FA2H: variants seen among roughly 807,000 people sequenced by gnomAD.
The protein encoded by FA2H is fatty acid 2-hydroxylase.
A neutral mutation model predicts 44.9 loss-of-function variants in FA2H; 22 were observed. The observed-to-expected ratio is 0.49, with a 90% CI of 0.35 to 0.70. The LOEUF is 0.70. Among genes scored for constraint, FA2H ranks in the 30% least tolerant of loss-of-function variants. The pLI is 0.01. For missense variants in FA2H, 501 were observed against 504.9 expected, an observed-to-expected ratio of 0.99 and a Z score of 0.07; for synonymous variants, 243 against 213.2, an observed-to-expected ratio of 1.14 and a Z score of -1.22.
chr16:74,719,559 G>C lies in FA2H; in HGVS notation c.614-399C>G, dbSNP rs1173076740. Among the ~76,000 whole-genome samples, 7 of 152,074 alleles carry C rather than the reference G, an allele frequency of 4.6e-5. No homozygotes were observed. In the South Asian group the frequency reaches 8.3e-4, roughly 18 times the overall value. On this transcript the variant is annotated intron_variant, in intron 4 of 6. Transcript: ENST00000219368. The stretch of plus-strand genomic sequence containing the variant: ...GACAAGGTATCTCTGTGTCGCCCAG[G>C]TTGGAAGACTGGAGTGCTGGAGTGC...
In FA2H at chr16:74,713,635, G is replaced by T. The variant is rs1961624643; in HGVS notation, c.*555C>A. On this transcript the variant is annotated 3_prime_UTR_variant, in exon 7 of 7. Coordinates refer to ENST00000219368, the MANE Select transcript of FA2H (RefSeq NM_024306.5). ...GGCAGCTGGCAGGGCCAGAGGGGCTGCCCCAGGGTCTGGGGTGGACTGTGG... is the reference window on the plus strand; with the variant it reads ...GGCAGCTGGCAGGGCCAGAGGGGCTTCCCCAGGGTCTGGGGTGGACTGTGG... 1 of 153,022 alleles carries T rather than the reference G, an allele frequency of 6.5e-6. No homozygotes were observed. The highest frequency in any genetic ancestry group is 2.1e-4 in the South Asian group (1 of 4,864). The allele number at this position is 153,022 out of a possible 1,614,324, so 9.5% of individuals were successfully genotyped here.
At chr16:74,755,693 C>T (rs1227115204) in intron 1 of FA2H, among the ~76,000 whole-genome samples, 1 of 152,168 alleles carries the variant, frequency 6.6e-6, no homozygotes, top group Non-Finnish European at 1.5e-5. Context: ...GCACCTGCAT[C>T]CCCTCTAACC....
intron 1 of FA2H, among the ~76,000 whole-genome samples, 171 bp downstream of exon 1, chr16:74,774,315 G>A (rs1962966388): frequency 6.6e-6 from 1 of 152,066 alleles, no homozygotes; most frequent in South Asian, 2.1e-4. Context: ...AGGAGGGGTT[G>A]GAGGGGACGA....
intron 6 of FA2H, among the ~76,000 whole-genome samples, chr16:74,715,637 C>T (rs1201920446): frequency 6.6e-6 from 1 of 152,068 alleles, no homozygotes; most frequent in Non-Finnish European, 1.5e-5. Flanking sequence ...TAATAATTTG[C>T]TTATGTTAAG....
At chr16:74,769,000 T>C (rs1962857004) in intron 1 of FA2H, among the ~76,000 whole-genome samples, 1 of 151,962 alleles carries the variant, frequency 6.6e-6, no homozygotes, top group Admixed American at 6.6e-5. Flanking sequence ...CTCTCCAGGA[T>C]TGGTGGGGCA....
intron 1 of FA2H, among the ~76,000 whole-genome samples, chr16:74,768,274 T>C (rs1438016712): frequency 6.6e-6 from 1 of 152,200 alleles, no homozygotes; most frequent in Non-Finnish European, 1.5e-5. Context: ...ATTCTGGGTC[T>C]CAAAGCCTCT....
intron 1 of FA2H, among the ~76,000 whole-genome samples, chr16:74,744,696 C>A (rs1962382437): frequency 6.6e-6 from 1 of 152,144 alleles, no homozygotes; most frequent in South Asian, 2.1e-4. Flanking sequence ...AAGTGATCCT[C>A]CCACCTCAGC....
intron 1 of FA2H, among the ~76,000 whole-genome samples, chr16:74,772,577 A>G (rs1219258197): frequency 2.6e-5 from 4 of 152,206 alleles, no homozygotes; most frequent in Admixed American, 1.3e-4. Context: ...GGATGACCCA[A>G]TGAAAAGCCA....
At chr16:74,765,194 T>A (rs1476491979) in intron 1 of FA2H, among the ~76,000 whole-genome samples, 1 of 151,536 alleles carries the variant, frequency 6.6e-6, no homozygotes, top group African/African-American at 2.4e-5. Context: ...CTCGCTCTTG[T>A]CCCCCAGGCT....
At chr16:74,749,561 A>T (rs928448578) in intron 1 of FA2H, among the ~76,000 whole-genome samples, 4 of 152,200 alleles carry the variant, frequency 2.6e-5, no homozygotes, top group Admixed American at 6.5e-5. Context: ...TTCACCACGG[A>T]CCCAGCATTG....
Position 74,716,456 on chromosome 16 carries a change from G to C in FA2H, c.930C>G (p.Leu310=). 6.2e-7 allele frequency: 1 copy of C among 1,613,998 alleles called. No homozygotes were observed. The highest frequency in any genetic ancestry group is 8.5e-7 in the Non-Finnish European group (1 of 1,180,006). ...VFAGGLLGYV[L]YDMTHYYLHF... The stretch of plus-strand genomic sequence containing the variant: ...GCAGGTAGTAATGGGTCATGTCATA[G>C]AGGACGTAGCCCAGGAGGCCCCCCG... Residue 310 remains leucine (L), a synonymous_variant, in exon 6 of 7, where the codon CTC becomes CTG. Coordinates refer to ENST00000219368, the MANE Select transcript of FA2H (RefSeq NM_024306.5).
rs762390982 is a variant in FA2H, at chr16:74,714,077, C to A, written c.*113G>T. 1.3e-5 allele frequency: 9 copies of A among 711,152 alleles called. No individual in the cohort carries two copies. Among genetic ancestry groups the A allele is most frequent in the Non-Finnish European group, 2.0e-5 (8 of 403,770 alleles). 44.1% of individuals were successfully genotyped at this position (711,152 alleles called of 1,614,324 possible). A position where few individuals can be genotyped will look rare whatever the true frequency, so the allele number is the denominator to read the frequency against. On this transcript the variant is annotated 3_prime_UTR_variant, in exon 7 of 7. Coordinates refer to ENST00000219368, the MANE Select transcript of FA2H (RefSeq NM_024306.5). ...CCTTCCACTAGGCTGCAGGGCCGGA[C>A]ACAGCCCATCCTGCCTGGCCAAGCC... is the stretch of plus-strand genomic sequence containing the variant.
intron 2 of FA2H, among the ~76,000 whole-genome samples, chr16:74,736,071 T>C (rs1962173985): frequency 6.6e-6 from 1 of 152,222 alleles, no homozygotes; most frequent in Non-Finnish European, 1.5e-5. Context: ...CCCTGTCCAC[T>C]GCCCTCCCAG....
chr16:74,745,673 C>G (rs764178355), intron 1 of FA2H, among the ~76,000 whole-genome samples: 1 of 152,186 alleles, frequency 6.6e-6, no homozygotes, highest in Non-Finnish European at 1.5e-5. Context: ...AGGAGAGAAG[C>G]CTTTGAGACA....
intron 1 of FA2H, among the ~76,000 whole-genome samples, chr16:74,762,675 G>A (rs1962735016): frequency 6.6e-6 from 1 of 152,088 alleles, no homozygotes; most frequent in South Asian, 2.1e-4. Context: ...GACTACAGGT[G>A]CATGCCATCA....
At chr16:74,722,711 G>A (rs1961865934) in intron 4 of FA2H, among the ~76,000 whole-genome samples, 1 of 151,982 alleles carries the variant, frequency 6.6e-6, no homozygotes, top group South Asian at 2.1e-4. Context: ...TCAGGAGTTC[G>A]AGACCAGCCT....
chr16:74,714,978 A>G (rs2144599817), intron 6 of FA2H, among the ~76,000 whole-genome samples: 1 of 151,902 alleles, frequency 6.6e-6, no homozygotes, highest in Non-Finnish European at 1.5e-5. Flanking sequence ...CTGGGATTAC[A>G]GGCGCGCACC....
intron 1 of FA2H, among the ~76,000 whole-genome samples, chr16:74,771,479 A>G (rs1260255915): frequency 1.3e-5 from 2 of 151,828 alleles, no homozygotes; most frequent in East Asian, 3.9e-4. Flanking sequence ...CACCACACCC[A>G]GTGCACAACC....
chr16:74,746,648 T>C (rs938750595), intron 1 of FA2H, among the ~76,000 whole-genome samples: 1 of 152,208 alleles, frequency 6.6e-6, no homozygotes, highest in Admixed American at 6.5e-5. Flanking sequence ...ATGTGGCCCT[T>C]GGTTTGCCAG....
Sources: gnomAD v4.1 joint callset for allele counts (sites outside exome capture counted in the v4.1 genomes callset) on GRCh38, gnomAD v4.1.1 for gene constraint, MANE v1.5 for transcripts, NCBI Gene and HGNC (gene_info 2026-07-23, HGNC 2026-07-21) for gene names.